The following BCOR variants were observed in gnomAD, a reference collection of about 807,000 sequenced individuals.
BCOR encodes BCL-6 corepressor.
In BCOR, 10 loss-of-function variants were observed where a neutral mutation model predicts 86.7. That is an observed-to-expected ratio of 0.12 (90% CI 0.07 to 0.20). The LOEUF (loss-of-function observed/expected upper bound fraction) is 0.20. BCOR is among the 10% of genes least tolerant of loss of function. BCOR has a pLI of 1.00. For synonymous variants in BCOR, 611 were observed against 609.0 expected (o/e 1.00, Z -0.05); for missense variants, 1,259 against 1,452.1 (o/e 0.87, Z 2.16).
In BCOR at chrX:40,064,500, C is replaced by A; in HGVS notation, c.3338G>T (p.Ser1113Ile). 1 of 1,212,358 alleles carries A rather than the reference C, an allele frequency of 8.2e-7. No homozygotes were observed. The highest frequency in any genetic ancestry group is 3.0e-5 in the East Asian group (1 of 33,842). ...GGCCACCTGGTCTGCGGGAGGCTCGCTCACAGGCTGCCTCTCCACAAAGTA... is the reference window on the plus strand; with the variant it reads ...GGCCACCTGGTCTGCGGGAGGCTCGATCACAGGCTGCCTCTCCACAAAGTA... Reference protein sequence around the residue: ...EKYFVERQPVSEPPADQVASD... With the variant: ...EKYFVERQPVIEPPADQVASD... The change falls in exon 7 of 15, where the codon AGC becomes ATC. Residue 1113 changes from serine to isoleucine, a missense_variant. Transcript: ENST00000378444.
intron 1 of BCOR, among the ~76,000 whole-genome samples, chrX:40,160,954 C>T (rs7056316): frequency 0.02 from 2,092 of 105,924 alleles, 47 homozygotes; most frequent in African/African-American, 0.068. Context: ...GGATTACAGG[C>T]GTGAGTCACC....
chrX:40,106,020 G>A (rs761974682), intron 1 of BCOR, among the ~76,000 whole-genome samples: 1 of 112,629 alleles, frequency 8.9e-6, no homozygotes, highest in South Asian at 3.7e-4. Flanking sequence ...AGGTCATGGC[G>A]GCACCGGTAC....
chrX:40,165,966 TTTA>T (rs1188883932), intron 1 of BCOR, among the ~76,000 whole-genome samples: 1 of 111,710 alleles, frequency 9.0e-6, no homozygotes, highest in Non-Finnish European at 1.9e-5. Flanking sequence ...TATTAAAAAC[TTTA>T]TTATCATCTT....
At position 40,077,577 on chromosome X, in the gene BCOR, T is replaced by C. The variant is rs1602164337; in HGVS notation, c.86+267A>G. The C allele has an allele frequency of 1.2e-5, 5 of 400,952 alleles. No individual in the cohort carries two copies. The East Asian group carries it at 1.7e-4, about 14-fold the overall frequency. 33.0% of individuals were successfully genotyped at this position (400,952 alleles called of 1,213,427 possible). ...TTTAGAGTTAAAGCAGTATATAGAC[T>C]GGGATTAATTCTCCTTCATAAATAT... On this transcript the variant is annotated intron_variant, in intron 2 of 14. Coordinates refer to ENST00000378444, the MANE Select transcript of BCOR (RefSeq NM_001123385.2).
intron 8 of BCOR, 39 bp from the exon 9 acceptor site, chrX:40,063,110 G>GGGGGGGGGGGGGGGGGGGC: frequency 1.6e-6 from 1 of 644,545 alleles, no homozygotes; most frequent in African/African-American, 2.7e-5. Context: ...GGGCGGATGG[G>GGGGGGGGGGGGGGGGGGGC]AGACGGGAGA....
rs189429937 is a variant in BCOR, at chrX:40,119,127, T to C, written c.-40-41158A>G. Among the ~76,000 whole-genome samples, 631 of 112,119 alleles carry C rather than the reference T, an allele frequency of 5.6e-3. 7 individuals are homozygous for C. The highest frequency in any genetic ancestry group is 9.2e-3 in the Non-Finnish European group (491 of 53,185). ...GGATTACAGGCATGAGCCATCACCC[T>C]TGGCCTGAGACTCTGTTTTTTAAGA... is the stretch of plus-strand genomic sequence containing the variant. On this transcript the variant is annotated intron_variant, in intron 1 of 14. Coordinates refer to the BCOR transcript ENST00000342274.
At chrX:40,121,895 AACGGTGCTGCAC>A (rs1235983987) in intron 1 of BCOR, among the ~76,000 whole-genome samples, 1 of 112,479 alleles carries the variant, frequency 8.9e-6, no homozygotes, top group Non-Finnish European at 1.9e-5. Context: ...TCCAGCTGGA[AACGGTGCTGCAC>A]ACGATTCCAG....
chrX:40,148,498 G>A (rs1490023746), intron 1 of BCOR, among the ~76,000 whole-genome samples: 3 of 111,129 alleles, frequency 2.7e-5, no homozygotes, highest in Non-Finnish European at 5.7e-5. Context: ...TCCAGGCAGA[G>A]CAGGAAGCCT....
Position 40,063,727 on chromosome X carries a change from G to A in BCOR, c.3728C>T (p.Pro1243Leu). Reference protein sequence around the residue: ...SRKEVTQATQPEAIPQGTNIT... With the variant: ...SRKEVTQATQLEAIPQGTNIT... ...GTTAGTCCCCTGAGGAATGGCCTCA[G>A]GCTGAGTGGCCTGGGTCACTTCCTT... Residue 1243 changes from proline to leucine, a missense_variant, in exon 8 of 15, where the codon CCT becomes CTT. By Grantham distance (98) the Pro-to-Leu change is moderately conservative. This residue lies in a region of BCOR where 305 missense variants were observed against 286.1 expected (regional missense o/e 1.07). Transcript: ENST00000378444. 1 of 1,211,949 alleles carries A rather than the reference G, an allele frequency of 8.3e-7. No individual in the cohort carries two copies. Among genetic ancestry groups the A allele is most frequent in the Non-Finnish European group, 1.1e-6 (1 of 895,508 alleles).
intron 1 of BCOR, among the ~76,000 whole-genome samples, chrX:40,175,247 G>A (rs1938719012): frequency 8.8e-6 from 1 of 113,543 alleles, no homozygotes; most frequent in African/African-American, 3.2e-5. Flanking sequence ...GAGGCAAAAG[G>A]GGCAGATGGA....
intron 1 of BCOR, among the ~76,000 whole-genome samples, chrX:40,117,268 G>A (rs759814636): frequency 9.0e-6 from 1 of 111,510 alleles, no homozygotes; most frequent in Non-Finnish European, 1.9e-5. Context: ...CGTCCCAGGT[G>A]TCAGATCGCA....
At chrX:40,133,624 TA>T (rs1937627943) in intron 1 of BCOR, among the ~76,000 whole-genome samples, 1 of 108,831 alleles carries the variant, frequency 9.2e-6, no homozygotes, top group Admixed American at 9.8e-5. Flanking sequence ...CACGCCCGGC[TA>T]ATTTTTTTGT....
intron 1 of BCOR, among the ~76,000 whole-genome samples, chrX:40,175,564 G>T (rs985694669): frequency 1.8e-5 from 2 of 113,357 alleles, no homozygotes; most frequent in African/African-American, 6.4e-5. Context: ...CCAGGAATAC[G>T]CTTCCGCGGC....
intron 1 of BCOR, among the ~76,000 whole-genome samples, chrX:40,091,083 A>T: frequency 1.8e-5 from 2 of 112,041 alleles, no homozygotes; most frequent in East Asian, 5.6e-4. Context: ...AGGGCTTCTC[A>T]CCTGCTCTGC....
intron 1 of BCOR, among the ~76,000 whole-genome samples, chrX:40,150,378 T>C (rs1007379082): frequency 1.8e-5 from 2 of 112,388 alleles, no homozygotes; most frequent in African/African-American, 3.2e-5. Context: ...CAAATTATAA[T>C]AATAATTTTA....
At chrX:40,057,922 GC>G (rs1354665089) in intron 10 of BCOR, among the ~76,000 whole-genome samples, 1 of 112,061 alleles carries the variant, frequency 8.9e-6, no homozygotes, top group African/African-American at 3.2e-5. Flanking sequence ...CGGAGTTGGA[GC>G]CTGGGCGGCA....
At chrX:40,052,489 C>G in intron 14 of BCOR, 89 bp from the exon 15 acceptor site, 1 of 869,466 alleles carries the variant, frequency 1.2e-6, no homozygotes, top group Admixed American at 2.4e-5. Context: ...CCAAGTGGAC[C>G]AGCCTCTATG....
chrX:40,052,449 T>C lies in BCOR; in HGVS notation c.4977-49A>G, dbSNP rs777623593. On this transcript the variant is annotated intron_variant, in intron 14 of 14. Coordinates refer to ENST00000378444, the MANE Select transcript of BCOR (RefSeq NM_001123385.2). ...TTTGAGTTTCCAGTAAAATGAAAAGTGCGCCCAACTATTAATATTAACTAC... is the reference window on the plus strand; with the variant it reads ...TTTGAGTTTCCAGTAAAATGAAAAGCGCGCCCAACTATTAATATTAACTAC... The C allele has an allele frequency of 4.4e-6, 5 of 1,143,853 alleles. No individual in the cohort carries two copies. The African/African-American group carries it at 7.2e-5, about 16-fold the overall frequency. 94.3% of individuals were successfully genotyped at this position (1,143,853 alleles called of 1,213,427 possible). A position where few individuals can be genotyped will look rare whatever the true frequency, so the allele number is the denominator to read the frequency against.
intron 1 of BCOR, among the ~76,000 whole-genome samples, chrX:40,176,643 C>T (rs1938762240): frequency 9.0e-6 from 1 of 110,555 alleles, no homozygotes; most frequent in Non-Finnish European, 1.9e-5. Context: ...GAGCTCCGCG[C>T]GCCCTGGCTC....
Sources: gnomAD v4.1 joint callset for allele counts (sites outside exome capture counted in the v4.1 genomes callset) on GRCh38, gnomAD v4.1.1 for gene constraint, gnomAD v4.1.1 regional missense constraint, MANE v1.5 for transcripts, NCBI Gene and HGNC (gene_info 2026-07-23, HGNC 2026-07-21) for gene names.